Variants in SCFD2 observed in about 807,000 individuals in gnomAD.
SCFD2 encodes the protein sec1 family domain containing 2, also known as sec1 family domain-containing protein 2.
Under a neutral mutation model 58.9 loss-of-function variants are expected in SCFD2, and 54 were observed. The ratio of observed to expected loss-of-function variants is 0.92; its 90% confidence interval spans 0.74 to 1.15. The LOEUF is 1.15. SCFD2 is among the 50% of genes most tolerant of loss of function. SCFD2 has a pLI of 0.00. For synonymous variants in SCFD2, 321 were observed against 335.9 expected (o/e 0.96, Z 0.49); for missense variants, 805 against 836.6 (o/e 0.96, Z 0.47).
chr4:53,351,227 G>C (rs566247710), intron 2 of SCFD2, among the ~76,000 whole-genome samples: 31 of 152,326 alleles, frequency 2.0e-4, no homozygotes, highest in Admixed American at 1.2e-3. Context: ...GATGACAGAA[G>C]TGGTCCAATG....
At chr4:53,069,053 C>T (rs986971299) in intron 5 of SCFD2, among the ~76,000 whole-genome samples, 1 of 152,026 alleles carries the variant, frequency 6.6e-6, no homozygotes, top group African/African-American at 2.4e-5. Flanking sequence ...ACAGATACCT[C>T]ATAGAAGGCT....
intron 4 of SCFD2, among the ~76,000 whole-genome samples, chr4:53,245,500 G>GA (rs1166007299): frequency 7.9e-5 from 12 of 151,940 alleles, no homozygotes; most frequent in East Asian, 7.7e-4. Context: ...GAACCAAAGG[G>GA]AAAAAACCAC....
chr4:52,934,946 C>T (rs1166761968), intron 5 of SCFD2, among the ~76,000 whole-genome samples: 4 of 152,186 alleles, frequency 2.6e-5, no homozygotes, highest in Non-Finnish European at 5.9e-5. Flanking sequence ...TGAAAATAGT[C>T]TATACCTGTG....
intron 4 of SCFD2, among the ~76,000 whole-genome samples, chr4:53,210,798 G>A (rs1376826823): frequency 6.6e-6 from 1 of 151,900 alleles, no homozygotes. Flanking sequence ...TAGACCTCAG[G>A]GGCAGGCTTC....
intron 5 of SCFD2, among the ~76,000 whole-genome samples, chr4:53,015,425 T>C (rs1422247166): frequency 6.6e-6 from 1 of 151,954 alleles, no homozygotes; most frequent in Non-Finnish European, 1.5e-5. Flanking sequence ...CAGGAAAATA[T>C]GCAAAAAAAC....
chr4:53,138,423 A>G (rs1316861669), intron 5 of SCFD2, among the ~76,000 whole-genome samples: 1 of 152,210 alleles, frequency 6.6e-6, no homozygotes, highest in Non-Finnish European at 1.5e-5. Flanking sequence ...TCTCTGAAGA[A>G]AATTCAAATG....
At chr4:53,156,829 G>A (rs73250939) in intron 4 of SCFD2, among the ~76,000 whole-genome samples, 24,013 of 152,248 alleles carry the variant, frequency 0.16, 2,371 homozygotes, top group Admixed American at 0.24. Flanking sequence ...ATATACTAAC[G>A]ACGATGGTTA....
At chr4:53,007,309 A>G (rs138146784) in intron 5 of SCFD2, among the ~76,000 whole-genome samples, 3,451 of 116,314 alleles carry the variant, frequency 0.03, 113 homozygotes, top group Non-Finnish European at 0.041. Context: ...GGAGAGGGAG[A>G]GAGAGAGAGA....
intron 5 of SCFD2, among the ~76,000 whole-genome samples, chr4:53,041,597 T>G (rs1722902362): frequency 6.6e-6 from 1 of 152,122 alleles, no homozygotes; most frequent in African/African-American, 2.4e-5. Context: ...GTAAAAGTAC[T>G]GGGTAAGGAT....
At chr4:53,125,377 A>G (rs1725597212) in intron 5 of SCFD2, among the ~76,000 whole-genome samples, 1 of 152,252 alleles carries the variant, frequency 6.6e-6, no homozygotes, top group African/African-American at 2.4e-5. Context: ...CATTTCGGTT[A>G]TAATATTATA....
intron 5 of SCFD2, among the ~76,000 whole-genome samples, chr4:53,129,543 C>G (rs1725728245): frequency 6.6e-6 from 1 of 152,158 alleles, no homozygotes; most frequent in Admixed American, 6.5e-5. Context: ...AAGTCAAAGC[C>G]TAGAGCCTGT....
chr4:53,187,744 C>G (rs1447616781), intron 4 of SCFD2, among the ~76,000 whole-genome samples: 1 of 151,820 alleles, frequency 6.6e-6, no homozygotes, highest in Non-Finnish European at 1.5e-5. Flanking sequence ...TATACACACA[C>G]AAGAAAGATC....
At chr4:52,971,649 T>G (rs183716006) in intron 5 of SCFD2, among the ~76,000 whole-genome samples, 3 of 152,228 alleles carry the variant, frequency 2.0e-5, no homozygotes. Context: ...ACATTCAAAT[T>G]CAGGAAATAC....
intron 2 of SCFD2, among the ~76,000 whole-genome samples, chr4:53,327,159 C>T (rs991200778): frequency 7.3e-5 from 11 of 151,710 alleles, no homozygotes; most frequent in Admixed American, 6.6e-5. Context: ...GAGGGGTGAG[C>T]GGGTATCGTC....
At chr4:52,888,247 T>C (rs1305191342) in intron 7 of SCFD2, among the ~76,000 whole-genome samples, 1 of 152,048 alleles carries the variant, frequency 6.6e-6, no homozygotes, top group Non-Finnish European at 1.5e-5. Flanking sequence ...TTCCTTGGCT[T>C]CTGAAGAGGA....
chr4:53,017,895 CG>C (rs5858201), intron 5 of SCFD2, among the ~76,000 whole-genome samples: 41,539 of 152,138 alleles, frequency 0.27, 6,840 homozygotes, highest in Non-Finnish European at 0.35. Context: ...AGTATCCAAA[CG>C]GCTCACAGCC....
chr4:52,993,638 GGC>G (rs1436470693), intron 5 of SCFD2, among the ~76,000 whole-genome samples: 1 of 152,082 alleles, frequency 6.6e-6, no homozygotes, highest in Non-Finnish European at 1.5e-5. Flanking sequence ...GCAAGGGGCT[GGC>G]ATACAGGGTG....
At chr4:53,114,081 T>C (rs1725251275) in intron 5 of SCFD2, among the ~76,000 whole-genome samples, 1 of 152,152 alleles carries the variant, frequency 6.6e-6, no homozygotes, top group Non-Finnish European at 1.5e-5. Flanking sequence ...GTCAAATTAC[T>C]TAAACTTTCG....
At chr4:53,089,119 A>G (rs1320816694) in intron 5 of SCFD2, among the ~76,000 whole-genome samples, 1 of 152,170 alleles carries the variant, frequency 6.6e-6, no homozygotes, top group East Asian at 1.9e-4. Context: ...AGTCTCCAGA[A>G]CTGTGAGAAA....
Sources: gnomAD v4.1 joint callset for allele counts (sites outside exome capture counted in the v4.1 genomes callset) on GRCh38, gnomAD v4.1.1 for gene constraint, MANE v1.5 for transcripts, NCBI Gene and HGNC (gene_info 2026-07-23, HGNC 2026-07-21) for gene names.